The following ZNF438 variants were observed in gnomAD, a reference collection of about 807,000 sequenced individuals.
ZNF438 encodes zinc finger protein 438.
Under a neutral mutation model 38.0 loss-of-function variants are expected in ZNF438, and 25 were observed. The observed-to-expected ratio is 0.66, with a 90% CI of 0.48 to 0.92. The LOEUF is 0.92. Among genes scored for constraint, ZNF438 ranks in the 40% least tolerant of loss-of-function variants. ZNF438 has a pLI of 0.00. For synonymous variants in ZNF438, 372 were observed against 364.1 expected (o/e 1.02, Z -0.25); for missense variants, 1,007 against 999.6 (o/e 1.01, Z -0.10).
intron 1 of ZNF438, among the ~76,000 whole-genome samples, chr10:30,958,853 T>A (rs2135983413): frequency 6.8e-6 from 1 of 147,538 alleles, no homozygotes; most frequent in South Asian, 2.1e-4. Context: ...AACACTATAT[T>A]TTTTAGTTTC....
At chr10:30,864,585 T>A (rs1206014969) in intron 4 of ZNF438, among the ~76,000 whole-genome samples, 1 of 152,224 alleles carries the variant, frequency 6.6e-6, no homozygotes, top group Non-Finnish European at 1.5e-5. Context: ...GGTCTCAGTC[T>A]CCAGATCAGC....
chr10:31,032,353 C>T (rs573854500), upstream of ZNF438, among the ~76,000 whole-genome samples: 1 of 152,182 alleles, frequency 6.6e-6, no homozygotes, highest in Non-Finnish European at 1.5e-5. Context: ...GAAAAGACAG[C>T]TCTCCCAGGG....
chr10:30,938,777 CTTTATTTATTTATTTATTTA>C (rs61394565), intron 2 of ZNF438, among the ~76,000 whole-genome samples: 12 of 149,570 alleles, frequency 8.0e-5, no homozygotes, highest in African/African-American at 3.0e-4. Context: ...GGGAAGCAAA[CTTTATTTATTTATTTATTTA>C]TTTATTTATT....
At chr10:30,896,039 C>G (rs762904741) in intron 3 of ZNF438, among the ~76,000 whole-genome samples, 4 of 152,158 alleles carry the variant, frequency 2.6e-5, no homozygotes, top group Non-Finnish European at 5.9e-5. Flanking sequence ...CGGTGCCTCA[C>G]GCCTGTAATC....
intron 5 of ZNF438, among the ~76,000 whole-genome samples, chr10:30,847,086 G>A (rs928367828): frequency 2.0e-5 from 3 of 152,218 alleles, no homozygotes; most frequent in Non-Finnish European, 2.9e-5. Context: ...AACAGCCTGG[G>A]TGCCATAAAC....
intron 4 of ZNF438, among the ~76,000 whole-genome samples, chr10:30,871,355 C>T (rs1171064634): frequency 1.3e-5 from 2 of 152,034 alleles, no homozygotes; most frequent in African/African-American, 4.8e-5. Flanking sequence ...ATTTTCACAG[C>T]AACAGGTGTG....
At chr10:30,926,126 G>T (rs2044884702) in intron 2 of ZNF438, among the ~76,000 whole-genome samples, 1 of 152,154 alleles carries the variant, frequency 6.6e-6, no homozygotes. Flanking sequence ...GCCTCCAGAG[G>T]TTTAAAGTAG....
At chr10:31,009,352 T>G (rs905183447) in intron 1 of ZNF438, among the ~76,000 whole-genome samples, 5 of 152,196 alleles carry the variant, frequency 3.3e-5, no homozygotes, top group South Asian at 2.1e-4. Context: ...CTGCTTCCAT[T>G]AATTTAAAAG....
At chr10:30,890,099 A>AG (rs902206121) in intron 3 of ZNF438, among the ~76,000 whole-genome samples, 3 of 149,866 alleles carry the variant, frequency 2.0e-5, no homozygotes, top group African/African-American at 7.5e-5. Flanking sequence ...AAAAAAAAAA[A>AG]AAAAGAAAAA....
intron 1 of ZNF438, among the ~76,000 whole-genome samples, chr10:30,982,336 C>T (rs943669757): frequency 6.6e-6 from 1 of 152,080 alleles, no homozygotes; most frequent in Non-Finnish European, 1.5e-5. Context: ...CTCCTGACCT[C>T]GTGATCCACC....
chr10:30,927,526 A>G (rs1277873997), intron 2 of ZNF438, among the ~76,000 whole-genome samples: 1 of 152,250 alleles, frequency 6.6e-6, no homozygotes, highest in Non-Finnish European at 1.5e-5. Flanking sequence ...AGATTCTTCA[A>G]TATGCTTCCT....
At chr10:30,898,677 G>C (rs1488703160) in intron 3 of ZNF438, among the ~76,000 whole-genome samples, 1 of 152,022 alleles carries the variant, frequency 6.6e-6, no homozygotes, top group Non-Finnish European at 1.5e-5. Context: ...TTCTGTTTAA[G>C]AACAGATATT....
chr10:31,010,166 T>TAA (rs2055542390), intron 1 of ZNF438, among the ~76,000 whole-genome samples: 1 of 152,184 alleles, frequency 6.6e-6, no homozygotes, highest in Non-Finnish European at 1.5e-5. Context: ...ATTTTTATAA[T>TAA]GCAGCAATGC....
chr10:30,998,263 G>GGGC (rs979877631), intron 1 of ZNF438, among the ~76,000 whole-genome samples: 4 of 151,958 alleles, frequency 2.6e-5, no homozygotes, highest in African/African-American at 9.7e-5. Context: ...AGTATTGGCT[G>GGGC]GGCGCAGTGG....
At chr10:31,014,356 G>T (rs542904894) in intron 1 of ZNF438, among the ~76,000 whole-genome samples, 1 of 152,310 alleles carries the variant, frequency 6.6e-6, no homozygotes, top group East Asian at 1.9e-4. Context: ...TCTGATAAGG[G>T]CCACTTCTGG....
chr10:30,917,058 C>G (rs1322160126), intron 2 of ZNF438, among the ~76,000 whole-genome samples: 2 of 151,890 alleles, frequency 1.3e-5, no homozygotes, highest in African/African-American at 4.8e-5. Flanking sequence ...AGTTTTTTTA[C>G]AAATGCATAT....
intron 3 of ZNF438, among the ~76,000 whole-genome samples, chr10:30,897,665 G>A (rs538853794): frequency 6.6e-6 from 1 of 152,328 alleles, no homozygotes; most frequent in East Asian, 1.9e-4. Context: ...ACAGAGATGA[G>A]CTGTAAACCC....
At chr10:30,891,020 C>G (rs935110070) in intron 3 of ZNF438, among the ~76,000 whole-genome samples, 1 of 152,160 alleles carries the variant, frequency 6.6e-6, no homozygotes, top group Non-Finnish European at 1.5e-5. Context: ...AAATCCAAAG[C>G]CACTGTGAGT....
chr10:30,969,949 A>T (rs1437756713), intron 1 of ZNF438, among the ~76,000 whole-genome samples: 3 of 152,166 alleles, frequency 2.0e-5, no homozygotes, highest in Non-Finnish European at 4.4e-5. Context: ...AAAAGATTTT[A>T]AAAAGCCTAT....
Sources: allele counts gnomAD v4.1 joint callset (sites outside exome capture counted in the v4.1 genomes callset), GRCh38; gene constraint gnomAD v4.1.1; transcripts MANE v1.5; gene names NCBI Gene and HGNC (gene_info 2026-07-23, HGNC 2026-07-21).